The following RALYL variants were observed in gnomAD, a reference collection of about 807,000 sequenced individuals.
RALYL encodes the protein RALY RNA binding protein like, also known as RNA-binding Raly-like protein.
In RALYL, 29 loss-of-function variants were observed where a neutral mutation model predicts 35.1. That is an observed-to-expected ratio of 0.83 (90% CI 0.61 to 1.13). The LOEUF is 1.13. Ranked by LOEUF, RALYL falls within the 50% of genes most tolerant of loss-of-function variation. The pLI is 0.00. For synonymous variants in RALYL, 120 were observed against 127.6 expected (o/e 0.94, Z 0.40); for missense variants, 359 against 360.4 (o/e 1.00, Z 0.03).
chr8:84,888,865 T>C (rs1292223230), intron 8 of RALYL, among the ~76,000 whole-genome samples: 1 of 152,174 alleles, frequency 6.6e-6, no homozygotes, highest in Non-Finnish European at 1.5e-5. Flanking sequence ...TTCTCCTGCC[T>C]CAGCCTCCCG....
intron 1 of RALYL, among the ~76,000 whole-genome samples, chr8:84,375,968 T>C (rs952726482): frequency 1.3e-5 from 2 of 151,864 alleles, no homozygotes; most frequent in African/African-American, 4.8e-5. Flanking sequence ...ATAAGCAGAA[T>C]AGAATGAAGC....
At chr8:84,300,030 G>C (rs1840481737) in intron 1 of RALYL, among the ~76,000 whole-genome samples, 2 of 151,864 alleles carry the variant, frequency 1.3e-5, no homozygotes, top group Non-Finnish European at 2.9e-5. Flanking sequence ...AGTGATATTA[G>C]GTTGTTAATT....
At chr8:84,893,915 T>C (rs1423816326) in intron 8 of RALYL, among the ~76,000 whole-genome samples, 3 of 152,214 alleles carry the variant, frequency 2.0e-5, no homozygotes, top group African/African-American at 7.2e-5. Flanking sequence ...AGCTGAACTG[T>C]GTAATACTTA....
intron 1 of RALYL, among the ~76,000 whole-genome samples, chr8:84,493,144 A>G (rs1044970401): frequency 6.6e-6 from 1 of 151,936 alleles, no homozygotes; most frequent in Non-Finnish European, 1.5e-5. Context: ...TTTAACTCCC[A>G]TTTATGAGTG....
chr8:84,811,450 T>C (rs529475519), intron 4 of RALYL, among the ~76,000 whole-genome samples: 1 of 152,332 alleles, frequency 6.6e-6, no homozygotes, highest in African/African-American at 2.4e-5. Flanking sequence ...CTTAAGATTC[T>C]TTCCTTCATC....
chr8:84,235,923 C>T (rs1826446317), intron 1 of RALYL, among the ~76,000 whole-genome samples: 1 of 151,790 alleles, frequency 6.6e-6, no homozygotes. Context: ...CGTGCCACCA[C>T]ACCCAGCTAA....
At chr8:84,693,160 A>G (rs575350553) in intron 2 of RALYL, among the ~76,000 whole-genome samples, 2 of 152,122 alleles carry the variant, frequency 1.3e-5, no homozygotes, top group East Asian at 3.9e-4. Flanking sequence ...AGCAACTAAT[A>G]TATCTCGGAC....
chr8:84,906,757 A>G (rs1182560362), intron 8 of RALYL, among the ~76,000 whole-genome samples: 1 of 151,654 alleles, frequency 6.6e-6, no homozygotes, highest in Non-Finnish European at 1.5e-5. Flanking sequence ...TCAAGTTGCA[A>G]AGAGGCATCC....
chr8:84,756,050 C>T (rs958541816), intron 2 of RALYL, among the ~76,000 whole-genome samples: 2 of 152,030 alleles, frequency 1.3e-5, no homozygotes, highest in Admixed American at 6.6e-5. Context: ...AGGCAACCTA[C>T]ATTTTTTTGA....
chr8:84,590,116 T>C (rs972763231), intron 2 of RALYL, among the ~76,000 whole-genome samples: 1 of 152,176 alleles, frequency 6.6e-6, no homozygotes, highest in African/African-American at 2.4e-5. Context: ...AGATCATCAA[T>C]TTATCATACT....
intron 2 of RALYL, among the ~76,000 whole-genome samples, chr8:84,619,796 C>A (rs1222684450): frequency 6.6e-6 from 1 of 150,522 alleles, no homozygotes; most frequent in Non-Finnish European, 1.5e-5. Flanking sequence ...CTGATGGTGA[C>A]AAAATCTCTC....
chr8:84,637,602 G>A (rs906099812), intron 2 of RALYL, among the ~76,000 whole-genome samples: 18 of 151,886 alleles, frequency 1.2e-4, no homozygotes, highest in Non-Finnish European at 2.5e-4. Context: ...AGGCTGGAGA[G>A]AGGGGCTTTA....
intron 2 of RALYL, among the ~76,000 whole-genome samples, chr8:84,741,919 A>ATT (rs1807450377): frequency 6.6e-6 from 1 of 151,762 alleles, no homozygotes; most frequent in Non-Finnish European, 1.5e-5. Flanking sequence ...GACATTAGAC[A>ATT]GGTCTATTAT....
At chr8:84,462,969 T>G (rs527948017) in intron 1 of RALYL, among the ~76,000 whole-genome samples, 1 of 152,016 alleles carries the variant, frequency 6.6e-6, no homozygotes, top group East Asian at 1.9e-4. Context: ...TAAGCACCCA[T>G]TTTTAAACAG....
At position 84,410,498 on chromosome 8, in the gene RALYL, T is replaced by TA. The variant is rs1337929989; in HGVS notation, c.-23-118794dup. ...AGCTTTCATCAGTATGTTATTTCTT[T>TA]AAAAAAATCCCTCTTTTCTCTGCCT... On this transcript the variant is annotated intron_variant, in intron 1 of 8. Transcript: ENST00000521268. Among the ~76,000 whole-genome samples the TA allele has an allele frequency of 1.6e-4, 24 of 152,036 alleles. 2 individuals carry two copies. In the South Asian group the frequency reaches 3.3e-3, roughly 21 times the overall value.
At chr8:84,279,947 G>A (rs117598506) in intron 1 of RALYL, among the ~76,000 whole-genome samples, 2,890 of 152,208 alleles carry the variant, frequency 0.019, 42 homozygotes, top group Non-Finnish European at 0.031. Context: ...TGAGGATGTG[G>A]ATATCTTAGT....
intron 4 of RALYL, among the ~76,000 whole-genome samples, chr8:84,826,487 T>C (rs559069283): frequency 6.6e-6 from 1 of 152,194 alleles, no homozygotes; most frequent in Admixed American, 6.5e-5. Flanking sequence ...TACCAGTAGC[T>C]TAATGAAAAA....
At position 84,355,283 on chromosome 8, in the gene RALYL, G is replaced by C. The variant is rs116686951; in HGVS notation, c.-24+170859G>C. Among the ~76,000 whole-genome samples the C allele has an allele frequency of 4.4e-3, 663 of 150,528 alleles. 57 individuals are homozygous for C. The highest frequency in any genetic ancestry group is 0.015 in the African/African-American group (629 of 40,586). Reference sequence around the variant, plus strand: ...TAATGATGAATATGTCACATCAGCTGCCCCATATCGCATAGTTTAGTGGCA... The same window carrying C: ...TAATGATGAATATGTCACATCAGCTCCCCCATATCGCATAGTTTAGTGGCA... On this transcript the variant is annotated intron_variant, in intron 1 of 8. Transcript: ENST00000521268.
At chr8:84,907,875 C>T (rs897390421) in intron 8 of RALYL, among the ~76,000 whole-genome samples, 6 of 151,702 alleles carry the variant, frequency 4.0e-5, no homozygotes, top group African/African-American at 1.5e-4. Flanking sequence ...AAAAAAAAAC[C>T]TTGATATTTG....
Sources: allele counts gnomAD v4.1 joint callset (sites outside exome capture counted in the v4.1 genomes callset), GRCh38; gene constraint gnomAD v4.1.1; transcripts MANE v1.5; gene names NCBI Gene and HGNC (gene_info 2026-07-23, HGNC 2026-07-21).